Variants in ACACA observed in about 807,000 individuals in gnomAD.
ACACA encodes the protein acetyl-CoA carboxylase alpha.
In ACACA, 103 loss-of-function variants were observed where a neutral mutation model predicts 296.1. That is an observed-to-expected ratio of 0.35 (90% CI 0.30 to 0.41). The LOEUF is 0.41. Among genes scored for constraint, ACACA ranks in the 10% least tolerant of loss-of-function variants. The pLI, the probability that ACACA is intolerant of heterozygous loss-of-function variation, is 1.00. For missense variants in ACACA, 1,554 were observed against 2,989.7 expected, an observed-to-expected ratio of 0.52 and a Z score of 11.20; for synonymous variants, 953 against 1,038.6, an observed-to-expected ratio of 0.92 and a Z score of 1.58.
intron 24 of ACACA, 129 bp from the exon 25 acceptor site, chr17:37,235,228 T>A: frequency 8.1e-7 from 1 of 1,236,454 alleles, no homozygotes. Context: ...TTTTCTTGGA[T>A]GGATTTGTAC....
intron 49 of ACACA, among the ~76,000 whole-genome samples, chr17:37,122,278 C>G (rs570076069): frequency 1.2e-4 from 19 of 152,288 alleles, no homozygotes; most frequent in African/African-American, 4.6e-4. Context: ...AGACCATCTC[C>G]CCAACAAAAG....
intron 41 of ACACA, among the ~76,000 whole-genome samples, chr17:37,166,160 G>T (rs2076657803): frequency 6.6e-6 from 1 of 151,760 alleles, no homozygotes; most frequent in South Asian, 2.1e-4. Context: ...TTAAGACAGG[G>T]TCTTGCTATG....
At chr17:37,169,642 C>T (rs2144633470) in intron 41 of ACACA, among the ~76,000 whole-genome samples, 1 of 152,224 alleles carries the variant, frequency 6.6e-6, no homozygotes, top group East Asian at 1.9e-4. Flanking sequence ...GAAAATTCTA[C>T]AATCACTATA....
At chr17:37,247,918 C>T in intron 18 of ACACA, 93 bp downstream of exon 18, 1 of 1,512,814 alleles carries the variant, frequency 6.6e-7, no homozygotes, top group Non-Finnish European at 9.1e-7. Context: ...AAATGAGTAC[C>T]AAGAAAAGCC....
intron 14 of ACACA, among the ~76,000 whole-genome samples, chr17:37,255,702 G>T (rs893208471): frequency 6.6e-6 from 1 of 152,108 alleles, no homozygotes; most frequent in Non-Finnish European, 1.5e-5. Flanking sequence ...ATGTCCCGTC[G>T]AAAAGAAGCA....
chr17:37,245,524 C>T (rs910266232), intron 19 of ACACA, among the ~76,000 whole-genome samples: 1 of 152,178 alleles, frequency 6.6e-6, no homozygotes, highest in African/African-American at 2.4e-5. Flanking sequence ...TATCCTCATA[C>T]CAGTGAATCC....
At chr17:37,292,613 C>G (rs376732192) in intron 3 of ACACA, among the ~76,000 whole-genome samples, 1 of 152,218 alleles carries the variant, frequency 6.6e-6, no homozygotes, top group East Asian at 1.9e-4. Flanking sequence ...CCCAGCACTT[C>G]GGGAGGCCAA....
At chr17:37,259,313 C>G (rs1383249797) in intron 12 of ACACA, 47 bp downstream of exon 12, 2 of 1,610,426 alleles carry the variant, frequency 1.2e-6, no homozygotes, top group South Asian at 2.2e-5. Flanking sequence ...ATTTTTCAGG[C>G]CTCTCTGACT....
chr17:37,243,616 A>T, intron 21 of ACACA, 57 bp from the exon 22 acceptor site: 1 of 1,561,346 alleles, frequency 6.4e-7, no homozygotes, highest in Non-Finnish European at 8.8e-7. Flanking sequence ...CCCAAATAAA[A>T]AGATATATAG....
At chr17:37,343,468 T>C (rs1021733076) in intron 1 of ACACA, among the ~76,000 whole-genome samples, 2 of 152,102 alleles carry the variant, frequency 1.3e-5, no homozygotes, top group African/African-American at 4.8e-5. Flanking sequence ...GTAAGTTCAC[T>C]TAAATGTTTT....
rs774684614 is a variant in ACACA, at chr17:37,241,923, G to A, written c.3032+30C>T. 15 of 1,566,772 alleles carry A rather than the reference G, an allele frequency of 9.6e-6. No individual in the cohort carries two copies. The Admixed American group carries it at 2.5e-4, about 26-fold the overall frequency. On this transcript the variant is annotated intron_variant, in intron 23 of 55. Coordinates refer to ENST00000616317, the MANE Select transcript of ACACA (RefSeq NM_198834.3). Reference sequence around the variant, plus strand: ...GAAAGGAAGACATGAGTATGGACAGGTCTGGGAATCTGGAGTTACAAGTTA... The same window carrying A: ...GAAAGGAAGACATGAGTATGGACAGATCTGGGAATCTGGAGTTACAAGTTA...
chr17:37,276,955 A>T, intron 7 of ACACA, 78 bp downstream of exon 7: 1 of 1,262,142 alleles, frequency 7.9e-7, no homozygotes, highest in Non-Finnish European at 1.2e-6. Flanking sequence ...TTAAACAGAA[A>T]ATCAGACTAT....
chr17:37,326,204 C>T (rs1216290912), intron 3 of ACACA, among the ~76,000 whole-genome samples: 4 of 121,598 alleles, frequency 3.3e-5, no homozygotes, highest in Non-Finnish European at 4.9e-5. Flanking sequence ...GCAAGACTGT[C>T]TCAAAAAAAA....
chr17:37,390,273 TA>T (rs2050775659), intron 1 of ACACA, among the ~76,000 whole-genome samples: 1 of 66,040 alleles, frequency 1.5e-5, no homozygotes, highest in Non-Finnish European at 2.6e-5. Flanking sequence ...TTATATATAA[TA>T]TATTATATAT....
At chr17:37,162,436 A>G (rs1409720894) in intron 41 of ACACA, among the ~76,000 whole-genome samples, 2 of 152,112 alleles carry the variant, frequency 1.3e-5, no homozygotes, top group Non-Finnish European at 2.9e-5. Context: ...TCCTCTCTAA[A>G]TCTCATGTTG....
rs139461042 is a variant in ACACA, at chr17:37,371,832, G to A, written c.39-31982C>T. ...GGAGAATGGCTTGAACCTGGGAGGC[G>A]GAGGTTGCAGTGAGCTGAGATCACG... On this transcript the variant is annotated intron_variant, in intron 1 of 55. Transcript: ENST00000616317. Among the ~76,000 whole-genome samples, 744 of 152,070 alleles carry A rather than the reference G, an allele frequency of 4.9e-3. 3 individuals are homozygous for A. The highest frequency in any genetic ancestry group is 0.017 in the African/African-American group (701 of 41,478).
chr17:37,251,216 C>T (rs1328965535), intron 16 of ACACA, among the ~76,000 whole-genome samples: 2 of 152,018 alleles, frequency 1.3e-5, no homozygotes, highest in African/African-American at 4.8e-5. Context: ...AAAAGCGGCC[C>T]ATGTATACAG....
chr17:37,125,923 A>C, intron 47 of ACACA, 129 bp from the exon 48 acceptor site: 1 of 772,134 alleles, frequency 1.3e-6, no homozygotes, highest in Non-Finnish European at 2.3e-6. Context: ...CCAAATTATA[A>C]TAGATGGAAG....
At chr17:37,362,986 A>AAAAAAC (rs1555661474) in intron 1 of ACACA, among the ~76,000 whole-genome samples, 1 of 149,470 alleles carries the variant, frequency 6.7e-6, no homozygotes, top group Non-Finnish European at 1.5e-5. Context: ...AAAAAAAAAA[A>AAAAAAC]AAAACAAAAC....
Sources: allele counts gnomAD v4.1 joint callset (sites outside exome capture counted in the v4.1 genomes callset), GRCh38; gene constraint gnomAD v4.1.1; transcripts MANE v1.5; gene names NCBI Gene and HGNC (gene_info 2026-07-23, HGNC 2026-07-21).